Variants in ZMAT4 observed in about 807,000 individuals in gnomAD.
The protein encoded by ZMAT4 is zinc finger matrin-type 4, also known as zinc finger matrin-type protein 4.
ZMAT4 carries 17 observed loss-of-function variants against 28.7 expected under a neutral mutation model. That is an observed-to-expected ratio of 0.59 (90% CI 0.41 to 0.89). The LOEUF (loss-of-function observed/expected upper bound fraction) is 0.89. Ranked by LOEUF, ZMAT4 falls within the 40% of genes least tolerant of loss-of-function variation. ZMAT4 has a pLI of 0.00. For missense variants in ZMAT4, 240 were observed against 283.8 expected, an observed-to-expected ratio of 0.85 and a Z score of 1.11; for synonymous variants, 117 against 109.2, an observed-to-expected ratio of 1.07 and a Z score of -0.44.
intron 3 of ZMAT4, among the ~76,000 whole-genome samples, chr8:40,742,744 C>T (rs7832204): frequency 0.15 from 18,733 of 127,396 alleles, 1,676 homozygotes; most frequent in East Asian, 0.41. Flanking sequence ...TAAATGTGCA[C>T]GCATGCACAC....
intron 5 of ZMAT4, among the ~76,000 whole-genome samples, chr8:40,596,207 CAGTA>C (rs1805098006): frequency 6.6e-6 from 1 of 152,136 alleles, no homozygotes; most frequent in South Asian, 2.1e-4. Flanking sequence ...CTGGGTGAGT[CAGTA>C]AGTGAGTGAT....
At chr8:40,634,067 G>A (rs1806700437) in intron 5 of ZMAT4, among the ~76,000 whole-genome samples, 1 of 152,258 alleles carries the variant, frequency 6.6e-6, no homozygotes, top group East Asian at 1.9e-4. Flanking sequence ...ATGCACCCAA[G>A]CACATTTTTG....
intron 5 of ZMAT4, among the ~76,000 whole-genome samples, chr8:40,614,769 A>G (rs936299839): frequency 1.1e-4 from 16 of 151,878 alleles, no homozygotes; most frequent in African/African-American, 3.6e-4. Context: ...TATGTTTTCC[A>G]TTTGCTTGGT....
chr8:40,716,631 G>T (rs1424817411), intron 3 of ZMAT4, among the ~76,000 whole-genome samples: 1 of 152,212 alleles, frequency 6.6e-6, no homozygotes, highest in East Asian at 1.9e-4. Context: ...GGTGGAGGTT[G>T]TGGTGAACTG....
At chr8:40,861,346 G>A (rs1407093791) in intron 1 of ZMAT4, among the ~76,000 whole-genome samples, 1 of 152,200 alleles carries the variant, frequency 6.6e-6, no homozygotes, top group Non-Finnish European at 1.5e-5. Context: ...TTCAATAAAT[G>A]GTGCTGGGAA....
intron 1 of ZMAT4, among the ~76,000 whole-genome samples, chr8:40,837,728 A>C (rs1032388607): frequency 1.3e-5 from 2 of 152,300 alleles, no homozygotes; most frequent in African/African-American, 4.8e-5. Flanking sequence ...TTCTCATTTG[A>C]ACAGAGTGTG....
At chr8:40,801,294 A>G (rs1357145034) in intron 2 of ZMAT4, among the ~76,000 whole-genome samples, 2 of 149,266 alleles carry the variant, frequency 1.3e-5, no homozygotes, top group African/African-American at 4.9e-5. Flanking sequence ...ATATTTTAGG[A>G]AAAATTATAC....
At chr8:40,616,619 A>G (rs1585764228) in intron 5 of ZMAT4, among the ~76,000 whole-genome samples, 1 of 152,258 alleles carries the variant, frequency 6.6e-6, no homozygotes, top group East Asian at 1.9e-4. Flanking sequence ...CATCATTCTG[A>G]GCAAACTATC....
chr8:40,718,600 G>A (rs955215852), intron 3 of ZMAT4, among the ~76,000 whole-genome samples: 1 of 152,024 alleles, frequency 6.6e-6, no homozygotes, highest in Non-Finnish European at 1.5e-5. Flanking sequence ...ATGACCCTTG[G>A]GTAGGATTCT....
intron 1 of ZMAT4, among the ~76,000 whole-genome samples, chr8:40,882,489 TCTTA>T (rs1223985769): frequency 6.6e-6 from 1 of 152,126 alleles, no homozygotes; most frequent in African/African-American, 2.4e-5. Context: ...ATTGTAGCTT[TCTTA>T]CTTACCAACC....
chr8:40,821,275 C>T (rs1452680864), intron 2 of ZMAT4, among the ~76,000 whole-genome samples: 1 of 146,884 alleles, frequency 6.8e-6, no homozygotes, highest in East Asian at 2.6e-4. Context: ...CCCTGGGAAA[C>T]TGTTTTTTTA....
chr8:40,832,692 A>G (rs1816331735), intron 1 of ZMAT4, among the ~76,000 whole-genome samples: 1 of 152,228 alleles, frequency 6.6e-6, no homozygotes, highest in Non-Finnish European at 1.5e-5. Context: ...AATGCTACCA[A>G]TTAAGATGAA....
At chr8:40,841,567 C>A (rs911904242) in intron 1 of ZMAT4, among the ~76,000 whole-genome samples, 1 of 152,170 alleles carries the variant, frequency 6.6e-6, no homozygotes, top group Non-Finnish European at 1.5e-5. Flanking sequence ...CCCTGTGCAC[C>A]CCCATAGGTG....
chr8:40,607,225 C>T lies in ZMAT4; in HGVS notation c.578-25964G>A, dbSNP rs543374766. ...CTGCAAGCTCCGCCTCCTGGGTTCA[C>T]GCCATTCTCCTGCCTCAGCCTCCTG... On this transcript the variant is annotated intron_variant, in intron 5 of 6. Coordinates refer to ENST00000297737, the MANE Select transcript of ZMAT4 (RefSeq NM_024645.3). Among the ~76,000 whole-genome samples the T allele has an allele frequency of 5.2e-3, 787 of 149,944 alleles. 6 individuals carry two copies. The highest frequency in any genetic ancestry group is 9.1e-3 in the Admixed American group (136 of 14,992).
intron 2 of ZMAT4, among the ~76,000 whole-genome samples, chr8:40,796,028 A>G (rs1470238786): frequency 6.6e-6 from 1 of 152,210 alleles, no homozygotes; most frequent in Non-Finnish European, 1.5e-5. Flanking sequence ...GTGAAGAGAT[A>G]GAGAATAGCA....
chr8:40,783,024 G>A (rs1174463943), intron 2 of ZMAT4, among the ~76,000 whole-genome samples: 1 of 152,192 alleles, frequency 6.6e-6, no homozygotes, highest in Non-Finnish European at 1.5e-5. Flanking sequence ...GAAGAAGTGA[G>A]AGTTACCATA....
chr8:40,639,752 C>T lies in ZMAT4; in HGVS notation c.577+34952G>A, dbSNP rs530432122. Among the ~76,000 whole-genome samples, 30 of 132,082 alleles carry T rather than the reference C, an allele frequency of 2.3e-4. No individual in the cohort carries two copies. The East Asian group carries it at 6.6e-3, about 29-fold the overall frequency. The allele number at this position is 132,082 out of a possible 152,430, so 86.7% of individuals were successfully genotyped here. On this transcript the variant is annotated intron_variant, in intron 5 of 6. Coordinates refer to ENST00000297737, the MANE Select transcript of ZMAT4 (RefSeq NM_024645.3). ...AGGGTGAATACATGTCTCAAACTAA[C>T]AAAATTAAGTCCTTTTGTTACACAC... is the stretch of plus-strand genomic sequence containing the variant.
intron 5 of ZMAT4, among the ~76,000 whole-genome samples, chr8:40,609,663 AT>A (rs5891108): frequency 7.3e-5 from 11 of 150,660 alleles, no homozygotes; most frequent in East Asian, 1.9e-4. Context: ...GTAAGGTAAG[AT>A]TTTTTTTTTC....
intron 3 of ZMAT4, among the ~76,000 whole-genome samples, chr8:40,766,297 A>C (rs1813156824): frequency 6.6e-6 from 1 of 152,214 alleles, no homozygotes; most frequent in African/African-American, 2.4e-5. Flanking sequence ...AATTTCTTTA[A>C]GGCAACACTG....
Sources: gnomAD v4.1 joint callset for allele counts (sites outside exome capture counted in the v4.1 genomes callset) on GRCh38, gnomAD v4.1.1 for gene constraint, MANE v1.5 for transcripts, NCBI Gene and HGNC (gene_info 2026-07-23, HGNC 2026-07-21) for gene names.